Variants in SMC5 observed in about 807,000 individuals in gnomAD.
The protein encoded by SMC5 is structural maintenance of chromosomes 5.
Under a neutral mutation model 148.3 loss-of-function variants are expected in SMC5, and 88 were observed. The ratio of observed to expected loss-of-function variants is 0.59; its 90% CI spans 0.50 to 0.71. The LOEUF (loss-of-function observed/expected upper bound fraction) is 0.71. SMC5 is among the 30% of genes least tolerant of loss of function. SMC5 has a pLI of 0.00. For missense variants in SMC5, 1,142 were observed against 1,298.9 expected (o/e 0.88, Z 1.86); for synonymous variants, 421 against 432.8 (o/e 0.97, Z 0.34).
At chr9:70,336,909 G>A (rs111534088) in intron 17 of SMC5, among the ~76,000 whole-genome samples, 1,806 of 152,300 alleles carry the variant, frequency 0.012, 26 homozygotes, top group African/African-American at 0.04. Context: ...TGGACTTACA[G>A]TTCCATATGG....
chr9:70,267,272 T>C (rs2034314819), intron 2 of SMC5, among the ~76,000 whole-genome samples: 1 of 152,230 alleles, frequency 6.6e-6, no homozygotes, highest in Middle Eastern at 3.2e-3. Flanking sequence ...TTATCACTTA[T>C]TTATAGCCTG....
intron 22 of SMC5, 89 bp downstream of exon 22, chr9:70,348,127 A>T: frequency 8.3e-7 from 1 of 1,211,518 alleles, no homozygotes; most frequent in East Asian, 3.0e-5. Flanking sequence ...TTTACTTTTG[A>T]GTTATATCTG....
chr9:70,297,988 T>G lies in SMC5; in HGVS notation c.1076T>G (p.Leu359Ter). The change falls in exon 9 of 25, where the codon TTA (leucine) becomes TGA (stop). Residue 359 changes from leucine to a stop codon, truncating the protein, a stop_gained. Coordinates refer to ENST00000361138, the MANE Select transcript of SMC5 (RefSeq NM_015110.4). LOFTEE classifies it high-confidence loss of function. ...DKHIEELQQA[L>*]IVKQNEELDR... ...TAGATTGAGGAACTTCAGCAGGCTT[T>G]AATAGTAAAGCAAAATGAAGAGCTT... The G allele has an allele frequency of 1.2e-6, 2 of 1,613,496 alleles. No homozygotes were observed. Among genetic ancestry groups the G allele is most frequent in the Non-Finnish European group, 1.7e-6 (2 of 1,179,840 alleles).
intron 17 of SMC5, among the ~76,000 whole-genome samples, chr9:70,343,464 G>T (rs1030777779): frequency 2.0e-5 from 3 of 152,106 alleles, no homozygotes; most frequent in Non-Finnish European, 4.4e-5. Flanking sequence ...AACTACATTT[G>T]AGTGCTGAGT....
intron 15 of SMC5, among the ~76,000 whole-genome samples, chr9:70,322,119 A>G (rs2035963009): frequency 6.6e-6 from 1 of 152,224 alleles, no homozygotes; most frequent in Non-Finnish European, 1.5e-5. Context: ...AAAGCAAACA[A>G]TTGCCCATTA....
chr9:70,343,220 T>A (rs1428050999), intron 17 of SMC5, among the ~76,000 whole-genome samples: 1 of 151,922 alleles, frequency 6.6e-6, no homozygotes, highest in East Asian at 1.9e-4. Flanking sequence ...AAGGGAATAA[T>A]GTATGCGAAG....
At chr9:70,270,696 G>A (rs1391367072) in intron 3 of SMC5, among the ~76,000 whole-genome samples, 1 of 145,070 alleles carries the variant, frequency 6.9e-6, no homozygotes, top group East Asian at 2.0e-4. Context: ...GCCCAGGCTG[G>A]GGTGCAGTGG....
At chr9:70,304,520 C>T (rs2035446054) in intron 10 of SMC5, among the ~76,000 whole-genome samples, 1 of 152,090 alleles carries the variant, frequency 6.6e-6, no homozygotes, top group African/African-American at 2.4e-5. Flanking sequence ...AACCCTGTCT[C>T]TACTAAAAAT....
In SMC5 at chr9:70,334,656, CAG is replaced by C. The variant is rs149417367; in HGVS notation, c.2398-9484_2398-9483del. ...GTATGTGTGTGTGTGTATAATGTGACAGAGACTTTATATGGCCCTCAAAGCTT... is the reference window on the plus strand; with the variant it reads ...GTATGTGTGTGTGTGTATAATGTGACAGACTTTATATGGCCCTCAAAGCTT... On this transcript the variant is annotated intron_variant, in intron 17 of 24. Coordinates refer to ENST00000361138, the MANE Select transcript of SMC5 (RefSeq NM_015110.4). 1.1e-4 allele frequency among the ~76,000 whole-genome samples: 16 copies of C among 152,070 alleles called. No homozygotes were observed. In the East Asian group the frequency reaches 2.9e-3, roughly 28 times the overall value.
chr9:70,267,370 T>C (rs999621526), intron 2 of SMC5, among the ~76,000 whole-genome samples: 1 of 152,216 alleles, frequency 6.6e-6, no homozygotes, highest in African/African-American at 2.4e-5. Flanking sequence ...CAGATATGTC[T>C]GCTTTATCAT....
chr9:70,262,000 AAG>A (rs2034151801), intron 1 of SMC5, among the ~76,000 whole-genome samples: 1 of 152,210 alleles, frequency 6.6e-6, no homozygotes, highest in Admixed American at 6.5e-5. Flanking sequence ...AAAGAGAAGA[AAG>A]AGAAGGTAGC....
At position 70,263,779 on chromosome 9, in the gene SMC5, C is replaced by T. The variant is rs559971813; in HGVS notation, c.186-525C>T. Among the ~76,000 whole-genome samples, 7 of 152,230 alleles carry T rather than the reference C, an allele frequency of 4.6e-5. 1 individual carries two copies. The East Asian group carries it at 1.4e-3, about 29-fold the overall frequency. The stretch of plus-strand genomic sequence containing the variant: ...GGACTATAGGCACATACCATGGTGC[C>T]TGGCTTGGAAAATAATTTTTAAAAG... On this transcript the variant is annotated intron_variant, in intron 1 of 24. Transcript: ENST00000361138.
At chr9:70,311,506 G>C (rs527565095) in intron 11 of SMC5, 4 of 152,190 alleles carry the variant, frequency 2.6e-5, no homozygotes, top group Admixed American at 2.6e-4. Flanking sequence ...ATATGACACA[G>C]AGACACAACG....
intron 11 of SMC5, among the ~76,000 whole-genome samples, chr9:70,308,770 C>T (rs1022512765): frequency 4.0e-5 from 6 of 151,828 alleles, no homozygotes; most frequent in African/African-American, 1.5e-4. Flanking sequence ...ATATTTTTTA[C>T]ACTATCATAA....
At chr9:70,311,041 A>G (rs1004717397) in intron 11 of SMC5, 5 of 152,232 alleles carry the variant, frequency 3.3e-5, no homozygotes, top group Admixed American at 6.5e-5. Context: ...CAGATCAGCA[A>G]TAAGGTAATT....
At chr9:70,335,582 A>T (rs1454199206) in intron 17 of SMC5, among the ~76,000 whole-genome samples, 1 of 152,242 alleles carries the variant, frequency 6.6e-6, no homozygotes, top group Non-Finnish European at 1.5e-5. Context: ...CTCTGCCACA[A>T]TAAGAAATGA....
chr9:70,326,454 A>G (rs990824795), intron 17 of SMC5, among the ~76,000 whole-genome samples: 58 of 152,226 alleles, frequency 3.8e-4, no homozygotes, highest in African/African-American at 1.0e-3. Context: ...ATATGCTGCT[A>G]TGCAGTGATA....
intron 8 of SMC5, among the ~76,000 whole-genome samples, chr9:70,291,864 A>G (rs761069266): frequency 1.6e-4 from 24 of 151,392 alleles, no homozygotes; most frequent in Non-Finnish European, 3.2e-4. Flanking sequence ...TTTTGCCATT[A>G]TAAAAGAGCT....
chr9:70,292,867 G>A (rs1264805191), intron 8 of SMC5, among the ~76,000 whole-genome samples: 2 of 152,098 alleles, frequency 1.3e-5, no homozygotes, highest in African/African-American at 2.4e-5. Flanking sequence ...TGGTTGTGGT[G>A]TATAAGTGTA....
Sources: allele counts gnomAD v4.1 joint callset (sites outside exome capture counted in the v4.1 genomes callset), GRCh38; gene constraint gnomAD v4.1.1; transcripts MANE v1.5; gene names NCBI Gene and HGNC (gene_info 2026-07-23, HGNC 2026-07-21).